The following NKAIN2 variants were observed in gnomAD, a reference collection of about 807,000 sequenced individuals.
The protein encoded by NKAIN2 is sodium/potassium-transporting ATPase subunit beta-1-interacting protein 2.
NKAIN2 carries 14 observed loss-of-function variants against 32.6 expected under a neutral mutation model. That is an observed-to-expected ratio of 0.43 (90% CI 0.28 to 0.67). The LOEUF (loss-of-function observed/expected upper bound fraction) is 0.67, where lower values mean the gene tolerates loss of function less well. Ranked by LOEUF, NKAIN2 falls within the 30% of genes least tolerant of loss-of-function variation. NKAIN2 has a pLI of 0.17. For synonymous variants in NKAIN2, 80 were observed against 87.2 expected (o/e 0.92, Z 0.46); for missense variants, 198 against 258.3 (o/e 0.77, Z 1.60).
intron 4 of NKAIN2, among the ~76,000 whole-genome samples, chr6:124,687,721 T>C (rs1178821258): frequency 1.9e-5 from 1 of 53,372 alleles, no homozygotes; most frequent in Non-Finnish European, 4.0e-5. Flanking sequence ...ATAATATATA[T>C]AATATAAATA....
chr6:124,471,776 A>G (rs970527667), intron 3 of NKAIN2, among the ~76,000 whole-genome samples: 8 of 152,122 alleles, frequency 5.3e-5, no homozygotes, highest in African/African-American at 1.9e-4. Flanking sequence ...ACTCATATGT[A>G]TGTTTTCTAT....
At chr6:124,713,553 A>G (rs559888024) in intron 4 of NKAIN2, among the ~76,000 whole-genome samples, 9 of 152,262 alleles carry the variant, frequency 5.9e-5, no homozygotes, top group South Asian at 2.1e-4. Flanking sequence ...TTACATTTCC[A>G]TACTCGTAGC....
intron 1 of NKAIN2, among the ~76,000 whole-genome samples, chr6:124,204,012 G>A (rs943767212): frequency 2.6e-5 from 4 of 151,816 alleles, no homozygotes; most frequent in African/African-American, 9.7e-5. Context: ...GTTTTGTAGT[G>A]CACACACTAT....
At chr6:124,787,160 A>G (rs1417047809) in intron 4 of NKAIN2, among the ~76,000 whole-genome samples, 1 of 152,166 alleles carries the variant, frequency 6.6e-6, no homozygotes. Flanking sequence ...ATTCAGCCTT[A>G]AAGAATGAAT....
In NKAIN2 at chr6:124,630,843, T is replaced by A. The variant is rs1207298806; in HGVS notation, c.274-27343T>A. ...AGTAACAATGTAGCACCAGGGAAAA[T>A]TAATTACTGCATTTTAGAGTGAAAG... On this transcript the variant is annotated intron_variant, in intron 3 of 6. Coordinates refer to ENST00000368417, the MANE Select transcript of NKAIN2 (RefSeq NM_001040214.3). Among the ~76,000 whole-genome samples, 3 of 152,108 alleles carry A rather than the reference T, an allele frequency of 2.0e-5. No homozygotes were observed. In the East Asian group the frequency reaches 5.8e-4, roughly 29 times the overall value.
At chr6:123,837,366 G>A (rs2114926974) in intron 1 of NKAIN2, among the ~76,000 whole-genome samples, 1 of 152,076 alleles carries the variant, frequency 6.6e-6, no homozygotes, top group African/African-American at 2.4e-5. Context: ...CCCCATTTGA[G>A]TTAGTGGGAT....
chr6:124,492,169 C>G (rs1429611260), intron 3 of NKAIN2, among the ~76,000 whole-genome samples: 2 of 151,626 alleles, frequency 1.3e-5, no homozygotes, highest in Non-Finnish European at 3.0e-5. Flanking sequence ...CTTCACTAAC[C>G]TTTCTAAAAA....
At chr6:124,184,367 A>G (rs1370512810) in intron 1 of NKAIN2, among the ~76,000 whole-genome samples, 1 of 152,012 alleles carries the variant, frequency 6.6e-6, no homozygotes, top group Non-Finnish European at 1.5e-5. Flanking sequence ...CCTCTCTAAT[A>G]CATTCATTAT....
intron 1 of NKAIN2, among the ~76,000 whole-genome samples, chr6:123,941,075 A>G (rs1776798240): frequency 1.3e-5 from 2 of 151,882 alleles, no homozygotes; most frequent in East Asian, 3.9e-4. Flanking sequence ...TTGGTTAAAA[A>G]CGAAGACACA....
intron 2 of NKAIN2, among the ~76,000 whole-genome samples, chr6:124,321,235 T>A (rs1797174396): frequency 6.6e-6 from 1 of 152,132 alleles, no homozygotes; most frequent in Admixed American, 6.5e-5. Context: ...ATTCTTTCCC[T>A]AAGAAACTCA....
At chr6:124,163,332 G>T (rs1788370650) in intron 1 of NKAIN2, among the ~76,000 whole-genome samples, 1 of 151,932 alleles carries the variant, frequency 6.6e-6, no homozygotes. Context: ...GAATCTAAAA[G>T]ATGCCCATAA....
chr6:124,012,369 T>C (rs1286014198), intron 1 of NKAIN2, among the ~76,000 whole-genome samples: 1 of 145,110 alleles, frequency 6.9e-6, no homozygotes, highest in East Asian at 2.1e-4. Flanking sequence ...AGAGTCTTGC[T>C]CTCTCACCCA....
At chr6:124,174,617 ATTCAACTATTCT>A in intron 1 of NKAIN2, among the ~76,000 whole-genome samples, 1 of 152,242 alleles carries the variant, frequency 6.6e-6, no homozygotes, top group Non-Finnish European at 1.5e-5. Context: ...ACTCCTATTC[ATTCAACTATTCT>A]TTCAACTAGG....
At chr6:124,273,591 A>T (rs1195754688) in intron 1 of NKAIN2, among the ~76,000 whole-genome samples, 1 of 152,186 alleles carries the variant, frequency 6.6e-6, no homozygotes, top group Admixed American at 6.5e-5. Flanking sequence ...GATGACATGA[A>T]TATGTCTGAT....
chr6:124,426,940 C>G lies in NKAIN2; in HGVS notation c.273+71593C>G, dbSNP rs191078318. 2.7e-3 allele frequency among the ~76,000 whole-genome samples: 417 copies of G among 152,264 alleles called. 7 individuals carry two copies. The highest frequency in any genetic ancestry group is 0.024 in the Admixed American group (367 of 15,282). ...TCACCTTCCACCATGATTATGAGGC[C>G]TCCCCAGCCATGTAGAACTGTGAGT... On this transcript the variant is annotated intron_variant, in intron 3 of 6. Coordinates refer to ENST00000368417, the MANE Select transcript of NKAIN2 (RefSeq NM_001040214.3).
chr6:124,386,164 T>C (rs1772891243), intron 3 of NKAIN2, among the ~76,000 whole-genome samples: 1 of 152,154 alleles, frequency 6.6e-6, no homozygotes, highest in Non-Finnish European at 1.5e-5. Flanking sequence ...GTTGGAAATC[T>C]TGCAAAATTG....
rs1784612110 is a variant in NKAIN2, at chr6:124,658,257, T to C, written c.345T>C (p.Cys115=). 2 of 1,614,078 alleles carry C rather than the reference T, an allele frequency of 1.2e-6. No individual in the cohort carries two copies. Among genetic ancestry groups the C allele is most frequent in the East Asian group, 2.2e-5 (1 of 44,872 alleles). ...RSWWMENGPG[C]TVTSVTPAPD... is the part of the protein sequence containing the mutation. ...GGTGGATGGAGAATGGACCAGGATGTACGGTGACGTCAGTGACACCTGCCC... is the reference window on the plus strand; with the variant it reads ...GGTGGATGGAGAATGGACCAGGATGCACGGTGACGTCAGTGACACCTGCCC... The change falls in exon 4 of 7, where the codon TGT becomes TGC. Residue 115 remains cysteine, a synonymous_variant. Coordinates refer to ENST00000368417, the MANE Select transcript of NKAIN2 (RefSeq NM_001040214.3).
chr6:124,657,622 A>G (rs1784587002), intron 3 of NKAIN2, among the ~76,000 whole-genome samples: 1 of 152,162 alleles, frequency 6.6e-6, no homozygotes, highest in East Asian at 1.9e-4. Flanking sequence ...ATAAGATTGA[A>G]GAGACACTGA....
chr6:123,989,707 T>C (rs924798169), intron 1 of NKAIN2, among the ~76,000 whole-genome samples: 1 of 152,194 alleles, frequency 6.6e-6, no homozygotes, highest in East Asian at 1.9e-4. Flanking sequence ...CCTAGAGTTA[T>C]ATGGTCACAG....
Sources: gnomAD v4.1 joint callset for allele counts (sites outside exome capture counted in the v4.1 genomes callset) on GRCh38, gnomAD v4.1.1 for gene constraint, MANE v1.5 for transcripts, NCBI Gene and HGNC (gene_info 2026-07-23, HGNC 2026-07-21) for gene names.